The following DPYSL3 variants were observed in gnomAD, a reference collection of about 807,000 sequenced individuals.
The protein encoded by DPYSL3 is dihydropyrimidinase-related protein 3.
DPYSL3 carries 16 observed loss-of-function variants against 66.1 expected under a neutral mutation model. That is an observed-to-expected ratio of 0.24 (90% CI 0.16 to 0.37). The LOEUF (loss-of-function observed/expected upper bound fraction) is 0.37. Among genes scored for constraint, DPYSL3 ranks in the 10% least tolerant of loss-of-function variants. The pLI is 1.00. For missense variants in DPYSL3, 738 were observed against 916.2 expected, an observed-to-expected ratio of 0.81 and a Z score of 2.51; for synonymous variants, 338 against 345.1, an observed-to-expected ratio of 0.98 and a Z score of 0.23.
At chr5:147,439,852 A>T (rs564621029) in intron 1 of DPYSL3, among the ~76,000 whole-genome samples, 5 of 152,288 alleles carry the variant, frequency 3.3e-5, no homozygotes, top group African/African-American at 9.6e-5. Context: ...ATGCCTGTCC[A>T]CCTCTTACCT....
chr5:147,457,455 TGAA>T (rs937643723), intron 1 of DPYSL3, among the ~76,000 whole-genome samples: 33 of 152,296 alleles, frequency 2.2e-4, no homozygotes, highest in Middle Eastern at 3.4e-3. Flanking sequence ...ATTAAATAGG[TGAA>T]GAAGAACTTT....
chr5:147,418,554 C>G lies in DPYSL3; in HGVS notation c.548G>C (p.Gly183Ala), dbSNP rs1752018366. The G allele has an allele frequency of 1.2e-6, 2 of 1,613,254 alleles. No homozygotes were observed. The highest frequency in any genetic ancestry group is 1.7e-6 in the Non-Finnish European group (2 of 1,179,556). Residue 183 changes from glycine (G) to alanine (A), a missense_variant, in exon 3 of 14, where the codon GGC (glycine) becomes GCC (alanine). Coordinates refer to ENST00000343218, the MANE Select transcript of DPYSL3 (RefSeq NM_001197294.2). ...EANGKMVIPG[G>A]IDVHTHFQMP... Reference sequence around the variant, plus strand: ...CTGGAAGTGAGTATGGACATCGATGCCTCCAGGGATCACCATCTTCCCATT... The same window carrying G: ...CTGGAAGTGAGTATGGACATCGATGGCTCCAGGGATCACCATCTTCCCATT...
chr5:147,453,589 G>A, intron 1 of DPYSL3: 1 of 1,536,874 alleles, frequency 6.5e-7, no homozygotes, highest in Non-Finnish European at 8.8e-7. Flanking sequence ...GTAGGACATG[G>A]TGGCGGTGGT....
chr5:147,416,601 G>A lies in DPYSL3; in HGVS notation c.656-728C>T, dbSNP rs150045470. ...AGTTCCCCTGAACAGCTGAGGCAAA[G>A]TACAAGTAAGGACAAAGTACAGCTA... is the stretch of plus-strand genomic sequence containing the variant. On this transcript the variant is annotated intron_variant, in intron 3 of 13. Coordinates refer to ENST00000343218, the MANE Select transcript of DPYSL3 (RefSeq NM_001197294.2). Among the ~76,000 whole-genome samples, 333 of 152,272 alleles carry A rather than the reference G, an allele frequency of 2.2e-3. 2 individuals carry two copies. The highest frequency in any genetic ancestry group is 7.8e-3 in the African/African-American group (323 of 41,554).
chr5:147,444,005 T>C (rs1210328191), intron 1 of DPYSL3, among the ~76,000 whole-genome samples: 1 of 152,008 alleles, frequency 6.6e-6, no homozygotes, highest in African/African-American at 2.4e-5. Flanking sequence ...ATGTCCCCCA[T>C]AACCTACACC....
Position 147,402,496 on chromosome 5 carries a change from C to T in DPYSL3, c.1154-800G>A, listed in dbSNP as rs915466311. 5.0e-4 allele frequency among the ~76,000 whole-genome samples: 74 copies of T among 148,138 alleles called. 4 individuals carry two copies. The highest frequency in any genetic ancestry group is 1.6e-3 in the African/African-American group (62 of 37,790). ...CCGAGTAGCTGGGACTACAGGCGCC[C>T]GCCACCACGCCCGGCTAATTTTTTG... On this transcript the variant is annotated intron_variant, in intron 8 of 13. Coordinates refer to ENST00000343218, the MANE Select transcript of DPYSL3 (RefSeq NM_001197294.2).
intron 1 of DPYSL3, among the ~76,000 whole-genome samples, chr5:147,436,928 A>AG (rs1378738169): frequency 6.6e-6 from 1 of 152,256 alleles, no homozygotes; most frequent in African/African-American, 2.4e-5. Flanking sequence ...CTGGTCAACC[A>AG]TACAGCAATG....
At chr5:147,458,556 A>G (rs1208244658) in intron 1 of DPYSL3, among the ~76,000 whole-genome samples, 1 of 152,044 alleles carries the variant, frequency 6.6e-6, no homozygotes, top group African/African-American at 2.4e-5. Flanking sequence ...CTATGGACTC[A>G]CCCTGAATTC....
intron 1 of DPYSL3, among the ~76,000 whole-genome samples, chr5:147,489,531 A>G (rs1245486664): frequency 3.3e-5 from 5 of 152,204 alleles, no homozygotes; most frequent in Non-Finnish European, 1.5e-5. Context: ...CATGAGGATC[A>G]GAGACATTAT....
intron 11 of DPYSL3, among the ~76,000 whole-genome samples, chr5:147,398,554 G>A (rs79921463): frequency 2.4e-3 from 359 of 152,220 alleles, no homozygotes; most frequent in African/African-American, 7.2e-3. Flanking sequence ...CAACAGTGTC[G>A]AGCCCGTTTC....
At chr5:147,485,490 C>T (rs1298065255) in intron 1 of DPYSL3, among the ~76,000 whole-genome samples, 1 of 152,140 alleles carries the variant, frequency 6.6e-6, no homozygotes, top group African/African-American at 2.4e-5. Flanking sequence ...TATTTATTTA[C>T]AATATTCTAT....
chr5:147,451,920 T>C (rs750784475), intron 1 of DPYSL3, among the ~76,000 whole-genome samples: 7 of 152,162 alleles, frequency 4.6e-5, no homozygotes, highest in Non-Finnish European at 1.0e-4. Flanking sequence ...ATACTGTGCA[T>C]TGTAAAAGAC....
intron 4 of DPYSL3, among the ~76,000 whole-genome samples, 168 bp downstream of exon 4, chr5:147,415,541 T>C (rs973623335): frequency 1.3e-5 from 2 of 152,100 alleles, no homozygotes; most frequent in Non-Finnish European, 2.9e-5. Flanking sequence ...GGGGATCCTG[T>C]AAGAAGTAAA....
intron 1 of DPYSL3, among the ~76,000 whole-genome samples, chr5:147,466,330 G>T (rs1753010149): frequency 1.3e-5 from 2 of 152,198 alleles, no homozygotes; most frequent in South Asian, 4.1e-4. Flanking sequence ...TAGGGAGTCT[G>T]TGTCTCAAAT....
At chr5:147,485,090 C>A (rs1753311328) in intron 1 of DPYSL3, among the ~76,000 whole-genome samples, 1 of 152,150 alleles carries the variant, frequency 6.6e-6, no homozygotes, top group Admixed American at 6.5e-5. Context: ...GTAACAGAAA[C>A]TGTACTGCTT....
At chr5:147,401,891 T>C in intron 8 of DPYSL3, 195 bp from the exon 9 acceptor site, 1 of 518,024 alleles carries the variant, frequency 1.9e-6, no homozygotes. Flanking sequence ...TTGTATTCTC[T>C]AGATTAAAAG....
At chr5:147,423,168 CAT>C (rs1271946598) in intron 2 of DPYSL3, among the ~76,000 whole-genome samples, 1 of 152,070 alleles carries the variant, frequency 6.6e-6, no homozygotes, top group Non-Finnish European at 1.5e-5. Flanking sequence ...AATAGAAAAA[CAT>C]AAAATCAATT....
At chr5:147,406,414 T>C (rs553551411) in intron 7 of DPYSL3, among the ~76,000 whole-genome samples, 2 of 152,294 alleles carry the variant, frequency 1.3e-5, no homozygotes, top group South Asian at 4.2e-4. Context: ...TGGTTCTGAG[T>C]CCTGGTTCTG....
chr5:147,425,086 T>C (rs780411729), intron 1 of DPYSL3, 123 bp from the exon 2 acceptor site: 1 of 668,986 alleles, frequency 1.5e-6, no homozygotes, highest in African/African-American at 1.8e-5. Context: ...CAAAGACATA[T>C]GTGTGCTCAA....
Sources: gnomAD v4.1 joint callset for allele counts (sites outside exome capture counted in the v4.1 genomes callset) on GRCh38, gnomAD v4.1.1 for gene constraint, MANE v1.5 for transcripts, NCBI Gene and HGNC (gene_info 2026-07-23, HGNC 2026-07-21) for gene names.